Variants in H6PD observed in about 807,000 individuals in gnomAD.
H6PD encodes the protein hexose-6-phosphate dehydrogenase/glucose 1-dehydrogenase.
H6PD carries 48 observed loss-of-function variants against 61.2 expected under a neutral mutation model. The ratio of observed to expected loss-of-function variants is 0.78; its 90% CI spans 0.62 to 1.00. The LOEUF is 1.00. H6PD is among the 50% of genes least tolerant of loss of function. The probability of loss-of-function intolerance (pLI) is 0.00; values close to 1 mark genes in which losing one functional copy is unlikely to be tolerated. For synonymous variants in H6PD, 480 were observed against 457.9 expected, an observed-to-expected ratio of 1.05 and a Z score of -0.62; for missense variants, 1,093 against 1,065.0, an observed-to-expected ratio of 1.03 and a Z score of -0.37.
Position 9,264,081 on chromosome 1 carries a change from C to T in H6PD, c.1588C>T (p.Leu530=). 1.2e-6 allele frequency: 2 copies of T among 1,614,078 alleles called. No individual in the cohort carries two copies. The highest frequency in any genetic ancestry group is 8.5e-7 in the Non-Finnish European group (1 of 1,180,008). The change falls in exon 5 of 5, where the codon CTG becomes TTG. Residue 530 remains leucine (L), a synonymous_variant. Coordinates refer to ENST00000377403, the MANE Select transcript of H6PD (RefSeq NM_004285.4). The stretch of plus-strand genomic sequence containing the variant: ...CTTTTCCCAGCAGCAGCCGGAGCAG[C>T]TGGTGCCAGGGCCAGGGCCGGCCCC... ...LFFSQQQPEQ[L]VPGPGPAPMP...
Position 9,245,090 on chromosome 1 carries a change from T to G in H6PD, c.156T>G (p.Asp52Glu). The stretch of plus-strand genomic sequence containing the variant: ...AGGGACTGTTCCAGCTGTACCTGGA[T>G]GAAGCGGGGAGGGGTCACAGTTTTA... Reference protein sequence around the residue: ...LWQGLFQLYLDEAGRGHSFSF... With the variant: ...LWQGLFQLYLEEAGRGHSFSF... Residue 52 changes from aspartate to glutamate, a missense_variant, in exon 2 of 5, where the codon GAT becomes GAG. Coordinates refer to ENST00000377403, the MANE Select transcript of H6PD (RefSeq NM_004285.4). The surrounding 1 kb of genome is among the most constrained non-coding windows in gnomAD (Gnocchi z 4.8). 1 of 1,614,180 alleles carries G rather than the reference T, an allele frequency of 6.2e-7. No individual in the cohort carries two copies.
intron 1 of H6PD, among the ~76,000 whole-genome samples, chr1:9,238,721 G>A (rs1375531043): frequency 1.3e-5 from 2 of 152,182 alleles, no homozygotes; most frequent in African/African-American, 2.4e-5. Context: ...TCTCAGAATA[G>A]CAATTGACTG....
chr1:9,248,539 C>T (rs1004970363), intron 3 of H6PD, among the ~76,000 whole-genome samples: 5 of 152,040 alleles, frequency 3.3e-5, no homozygotes, highest in South Asian at 2.1e-4. Context: ...GTGGTACACC[C>T]GTAGTCCCAG....
At chr1:9,261,321 C>A (rs1638281537) in intron 3 of H6PD, among the ~76,000 whole-genome samples, 1 of 152,214 alleles carries the variant, frequency 6.6e-6, no homozygotes, top group African/African-American at 2.4e-5. Flanking sequence ...TCACCTCCAT[C>A]TGGCCCCCAG....
chr1:9,242,830 T>G (rs973833256), intron 1 of H6PD: 4 of 985,368 alleles, frequency 4.1e-6, no homozygotes, highest in Admixed American at 6.1e-5. Flanking sequence ...GGCTTCAGAT[T>G]TCTTGCTGCC....
chr1:9,261,230 A>G (rs1638278053), intron 3 of H6PD, among the ~76,000 whole-genome samples: 1 of 152,056 alleles, frequency 6.6e-6, no homozygotes, highest in Non-Finnish European at 1.5e-5. Context: ...AACTGATCTT[A>G]GAAAAAAGTC....
At chr1:9,243,436 CCTT>C (rs770741580) in intron 1 of H6PD, among the ~76,000 whole-genome samples, 4 of 152,170 alleles carry the variant, frequency 2.6e-5, no homozygotes, top group Admixed American at 6.5e-5. Flanking sequence ...CCATTCAGTT[CCTT>C]CGTCACTGCT....
intron 3 of H6PD, among the ~76,000 whole-genome samples, chr1:9,253,227 C>A (rs1641422809): frequency 6.6e-6 from 1 of 152,182 alleles, no homozygotes; most frequent in Admixed American, 6.5e-5. Flanking sequence ...CAGGCGCACC[C>A]CCTGAAGCTT....
At chr1:9,263,192 C>T (rs955729138) in intron 4 of H6PD, among the ~76,000 whole-genome samples, 1 of 152,196 alleles carries the variant, frequency 6.6e-6, no homozygotes, top group Non-Finnish European at 1.5e-5. Flanking sequence ...CTTGCCCCCA[C>T]TGTGGGGCGT....
Position 9,265,459 on chromosome 1 carries a change from C to A in H6PD, c.*590C>A, listed in dbSNP as rs936342156. 19 of 171,150 alleles carry A rather than the reference C, an allele frequency of 1.1e-4. No homozygotes were observed. Among genetic ancestry groups the A allele is most frequent in the African/African-American group, 4.3e-4 (18 of 41,820 alleles). The allele number at this position is 171,150 out of a possible 1,614,324, so 10.6% of individuals were successfully genotyped here. A position where few individuals can be genotyped will look rare whatever the true frequency, so the allele number is the denominator to read the frequency against. ...AACCTCTGCACATCTAGCCTCTGGC[C>A]CTCCTCTTCACTGCCTCCACCTGCT... On this transcript the variant is annotated 3_prime_UTR_variant, in exon 5 of 5. Coordinates refer to ENST00000377403, the MANE Select transcript of H6PD (RefSeq NM_004285.4).
chr1:9,259,235 G>A (rs1157476188), intron 3 of H6PD, among the ~76,000 whole-genome samples: 1 of 152,224 alleles, frequency 6.6e-6, no homozygotes, highest in Non-Finnish European at 1.5e-5. Flanking sequence ...TGATCCGCCT[G>A]CCTTGGCCTC....
Position 9,264,107 on chromosome 1 carries a change from A to G in H6PD, c.1614A>G (p.Pro538=), listed in dbSNP as rs750394775. The part of the protein sequence containing the change: ...EQLVPGPGPA[P]MPSDFQVLRA... ...TGGTGCCAGGGCCAGGGCCGGCCCC[A>G]ATGCCCAGTGACTTCCAGGTCCTCA... The change falls in exon 5 of 5, where the codon CCA becomes CCG. Residue 538 remains proline (P), a synonymous_variant. Transcript: ENST00000377403. 3.7e-6 allele frequency: 6 copies of G among 1,613,748 alleles called. No homozygotes were observed. The East Asian group carries it at 1.3e-4, about 36-fold the overall frequency.
chr1:9,250,698 G>A (rs984978937), intron 3 of H6PD, among the ~76,000 whole-genome samples: 1 of 152,216 alleles, frequency 6.6e-6, no homozygotes, highest in African/African-American at 2.4e-5. Context: ...CTGAGTGCTG[G>A]GAAGGGAGGG....
chr1:9,250,787 C>T (rs868744201), intron 3 of H6PD, among the ~76,000 whole-genome samples: 1 of 152,332 alleles, frequency 6.6e-6, no homozygotes, highest in African/African-American at 2.4e-5. Context: ...TTCTGAGCTG[C>T]AAGGTCGTTT....
intron 3 of H6PD, among the ~76,000 whole-genome samples, chr1:9,252,518 G>A (rs780469538): frequency 6.6e-6 from 1 of 152,046 alleles, no homozygotes; most frequent in South Asian, 2.1e-4. Flanking sequence ...CTACAGGAGT[G>A]CCCCACCTCC....
intron 3 of H6PD, among the ~76,000 whole-genome samples, chr1:9,252,379 T>A (rs898988022): frequency 6.6e-6 from 1 of 152,164 alleles, no homozygotes; most frequent in Non-Finnish European, 1.5e-5. Context: ...TTATTAAGCT[T>A]TTTGGTTGTT....
At chr1:9,244,544 T>C (rs981964129) in intron 1 of H6PD, among the ~76,000 whole-genome samples, 4 of 152,234 alleles carry the variant, frequency 2.6e-5, no homozygotes, top group Admixed American at 6.5e-5. Context: ...GGGGCTGCCC[T>C]GCTTGTCCGG....
intron 1 of H6PD, among the ~76,000 whole-genome samples, chr1:9,240,443 C>A (rs753208266): frequency 6.6e-6 from 1 of 152,084 alleles, no homozygotes; most frequent in African/African-American, 2.4e-5. Flanking sequence ...CACCTTTCCT[C>A]GGAAAACAGG....
Position 9,264,988 on chromosome 1 carries a change from C to A in H6PD, c.*119C>A. On this transcript the variant is annotated 3_prime_UTR_variant, in exon 5 of 5. Coordinates refer to ENST00000377403, the MANE Select transcript of H6PD (RefSeq NM_004285.4). ...TGGCTCTCCAGAACCTTCTATCCCA[C>A]AGTCAGGCCCCAGAGAGGGCAGGAC... The A allele has an allele frequency of 9.3e-7, 1 of 1,080,706 alleles. No individual in the cohort carries two copies. The highest frequency in any genetic ancestry group is 1.4e-6 in the Non-Finnish European group (1 of 727,840). The allele number at this position is 1,080,706 out of a possible 1,614,324, so 66.9% of individuals were successfully genotyped here. A position where few individuals can be genotyped will look rare whatever the true frequency, so the allele number is the denominator to read the frequency against.
Sources: gnomAD v4.1 joint callset for allele counts (sites outside exome capture counted in the v4.1 genomes callset) on GRCh38, gnomAD v4.1.1 for gene constraint, Gnocchi (gnomAD v3.1) non-coding constraint, MANE v1.5 for transcripts, NCBI Gene and HGNC (gene_info 2026-07-23, HGNC 2026-07-21) for gene names.